The following CSMD3 variants were observed in gnomAD, a reference collection of about 807,000 sequenced individuals.
CSMD3 encodes CUB and sushi domain-containing protein 3.
Under a neutral mutation model 435.2 loss-of-function variants are expected in CSMD3, and 177 were observed. The observed-to-expected ratio is 0.41, with a 90% confidence interval of 0.36 to 0.46. CSMD3 has a LOEUF of 0.46. Ranked by LOEUF, CSMD3 falls within the 20% of genes least tolerant of loss-of-function variation. The probability of loss-of-function intolerance (pLI) is 0.34; values close to 1 mark genes in which losing one functional copy is unlikely to be tolerated. For missense variants in CSMD3, 4,265 were observed against 4,504.6 expected, an observed-to-expected ratio of 0.95 and a Z score of 1.52; for synonymous variants, 1,656 against 1,520.5, an observed-to-expected ratio of 1.09 and a Z score of -2.07.
intron 10 of CSMD3, among the ~76,000 whole-genome samples, chr8:112,881,117 C>T (rs2081435499): frequency 6.6e-6 from 1 of 152,002 alleles, no homozygotes; most frequent in Non-Finnish European, 1.5e-5. Context: ...AGAATAATCA[C>T]ACAGTTGTGA....
At chr8:113,225,217 C>G (rs1360721868) in intron 3 of CSMD3, among the ~76,000 whole-genome samples, 1 of 151,414 alleles carries the variant, frequency 6.6e-6, no homozygotes, top group Admixed American at 6.6e-5. Context: ...AGAGGAGTGA[C>G]TAATTCCATT....
intron 1 of CSMD3, chr8:113,376,908 C>T (rs1053712809): frequency 2.6e-6 from 4 of 1,546,350 alleles, no homozygotes; most frequent in Admixed American, 1.7e-5. Flanking sequence ...ACAAAACAGC[C>T]GTGGTTGTGG....
rs78728051 is a variant in CSMD3 at position 112,697,773 on chromosome 8, G to T, written c.1973-7723C>A. Among the ~76,000 whole-genome samples the T allele has an allele frequency of 4.0e-3, 612 of 152,032 alleles. 3 individuals carry two copies. The highest frequency in any genetic ancestry group is 0.014 in the African/African-American group (581 of 41,486). The stretch of plus-strand genomic sequence containing the variant: ...CTAAGGATATAAAGACAAATAAAAT[G>T]TAGCCCCTGTCCTTAACTGAAGGCA... On this transcript the variant is annotated intron_variant, in intron 13 of 70. Coordinates refer to ENST00000297405, the MANE Select transcript of CSMD3 (RefSeq NM_198123.2).
chr8:113,377,553 TA>T (rs1338641944), intron 1 of CSMD3, among the ~76,000 whole-genome samples: 2 of 152,214 alleles, frequency 1.3e-5, no homozygotes, highest in African/African-American at 4.8e-5. Flanking sequence ...ATTTGAGCTA[TA>T]TTTTTAATCC....
At chr8:113,154,339 G>GA (rs1429285963) in intron 4 of CSMD3, among the ~76,000 whole-genome samples, 1 of 151,910 alleles carries the variant, frequency 6.6e-6, no homozygotes, top group Non-Finnish European at 1.5e-5. Context: ...ATTTATTAAA[G>GA]AAAACCGATG....
chr8:112,234,212 C>T (rs1309361143), intron 68 of CSMD3, among the ~76,000 whole-genome samples, 153 bp downstream of exon 68: 1 of 151,698 alleles, frequency 6.6e-6, no homozygotes, highest in African/African-American at 2.4e-5. Context: ...TATTCCTAGG[C>T]TTGTACTTTA....
At chr8:112,694,712 T>C (rs2076214326) in intron 13 of CSMD3, among the ~76,000 whole-genome samples, 1 of 152,136 alleles carries the variant, frequency 6.6e-6, no homozygotes, top group Non-Finnish European at 1.5e-5. Context: ...TCCACCTAAA[T>C]CTCATAAATT....
At chr8:112,369,090 G>A (rs55894303) in intron 38 of CSMD3, among the ~76,000 whole-genome samples, 65,632 of 151,686 alleles carry the variant, frequency 0.43, 14,749 homozygotes, top group Middle Eastern at 0.54. Context: ...TAATACTCTG[G>A]TACAAATGGC....
At chr8:112,926,046 A>T (rs2082900107) in intron 9 of CSMD3, among the ~76,000 whole-genome samples, 1 of 152,216 alleles carries the variant, frequency 6.6e-6, no homozygotes, top group Non-Finnish European at 1.5e-5. Flanking sequence ...ACACTTCAAC[A>T]TATTCTAGAC....
intron 2 of CSMD3, among the ~76,000 whole-genome samples, chr8:113,290,661 A>G (rs893904612): frequency 1.3e-5 from 2 of 151,696 alleles, no homozygotes; most frequent in Non-Finnish European, 3.0e-5. Flanking sequence ...ATTGGAATAC[A>G]TCATAAAGAA....
intron 4 of CSMD3, among the ~76,000 whole-genome samples, chr8:113,101,835 G>A (rs1407241970): frequency 2.0e-5 from 3 of 151,888 alleles, no homozygotes; most frequent in Non-Finnish European, 4.4e-5. Flanking sequence ...GGTGAAATAG[G>A]TAAACTTTTC....
chr8:113,305,193 C>T (rs144780491), intron 2 of CSMD3, among the ~76,000 whole-genome samples: 323 of 150,948 alleles, frequency 2.1e-3, no homozygotes, highest in African/African-American at 7.5e-3. Context: ...GGAGATATAC[C>T]TAATGATAGA....
At chr8:112,418,764 T>G (rs1332134268) in intron 32 of CSMD3, among the ~76,000 whole-genome samples, 2 of 152,188 alleles carry the variant, frequency 1.3e-5, no homozygotes, top group African/African-American at 4.8e-5. Flanking sequence ...AATTGATTAA[T>G]GAATTAAATA....
At chr8:112,847,693 T>A (rs1316918004) in intron 11 of CSMD3, among the ~76,000 whole-genome samples, 4 of 152,190 alleles carry the variant, frequency 2.6e-5, no homozygotes, top group African/African-American at 9.6e-5. Context: ...TTGGCACAAG[T>A]ACCAAATCTC....
intron 22 of CSMD3, among the ~76,000 whole-genome samples, chr8:112,594,818 A>G (rs376521250): frequency 2.8e-4 from 42 of 152,102 alleles, no homozygotes; most frequent in African/African-American, 8.7e-4. Flanking sequence ...TCTGTTAGAA[A>G]GAAAACTAAC....
At chr8:112,930,480 A>T (rs2083070322) in intron 9 of CSMD3, among the ~76,000 whole-genome samples, 1 of 152,138 alleles carries the variant, frequency 6.6e-6, no homozygotes, top group African/African-American at 2.4e-5. Flanking sequence ...AAATAGTTAA[A>T]GTCAAATCCA....
At chr8:113,189,775 T>C (rs1197965992) in intron 3 of CSMD3, among the ~76,000 whole-genome samples, 1 of 151,754 alleles carries the variant, frequency 6.6e-6, no homozygotes. Flanking sequence ...CTTCTCTAAC[T>C]TTTCCTGTTG....
intron 1 of CSMD3, among the ~76,000 whole-genome samples, chr8:113,367,872 A>C (rs1212828253): frequency 6.6e-6 from 1 of 152,060 alleles, no homozygotes; most frequent in Non-Finnish European, 1.5e-5. Flanking sequence ...GATGCTGTCT[A>C]GTACAGCCCT....
intron 13 of CSMD3, among the ~76,000 whole-genome samples, chr8:112,718,011 A>G (rs1193902639): frequency 6.6e-6 from 1 of 152,088 alleles, no homozygotes; most frequent in Admixed American, 6.6e-5. Flanking sequence ...GGAAGCCACC[A>G]TGGGTCACGT....
Sources: allele counts gnomAD v4.1 joint callset (sites outside exome capture counted in the v4.1 genomes callset), GRCh38; gene constraint gnomAD v4.1.1; transcripts MANE v1.5; gene names NCBI Gene and HGNC (gene_info 2026-07-23, HGNC 2026-07-21).